MACF1: variants seen among roughly 807,000 people sequenced by gnomAD.
The protein encoded by MACF1 is microtubule-actin cross-linking factor 1.
Under a neutral mutation model 854.8 loss-of-function variants are expected in MACF1, and 193 were observed. That is an observed-to-expected ratio of 0.23 (90% confidence interval 0.20 to 0.25). MACF1 has a LOEUF of 0.25. Among genes scored for constraint, MACF1 ranks in the 10% least tolerant of loss-of-function variants. The pLI is 1.00. For synonymous variants in MACF1, 3,185 were observed against 3,226.7 expected, an observed-to-expected ratio of 0.99 and a Z score of 0.44; for missense variants, 7,722 against 8,929.1, an observed-to-expected ratio of 0.86 and a Z score of 5.45.
chr1:39,338,142 AT>A (rs1646857409), intron 38 of MACF1, among the ~76,000 whole-genome samples: 2 of 152,144 alleles, frequency 1.3e-5, no homozygotes, highest in Non-Finnish European at 2.9e-5. Flanking sequence ...TTAGGAAACT[AT>A]TGCAGTAATT....
At chr1:39,130,528 G>A (rs780224562) in intron 2 of MACF1, among the ~76,000 whole-genome samples, 1 of 152,190 alleles carries the variant, frequency 6.6e-6, no homozygotes, top group Non-Finnish European at 1.5e-5. Context: ...GTAGGGAAAA[G>A]TTAGTACACT....
In MACF1 at chr1:39,284,109, C is replaced by T. The variant is rs532053858; in HGVS notation, c.959C>T (p.Ser320Phe). Reference protein sequence around the residue: ...RWQEYQSRVDSLIPWIKQHTI... With the variant: ...RWQEYQSRVDFLIPWIKQHTI... ...CAAGAATACCAAAGCCGAGTGGACT[C>T]CCTCATTCCCTGGATCAAACAGCAT... Residue 320 changes from serine (S) to phenylalanine (F), a missense_variant, in exon 10 of 101, where the codon TCC becomes TTC. By Grantham distance (155) the Ser-to-Phe change is radical (BLOSUM62 -2). Coordinates refer to ENST00000564288, the MANE Select transcript of MACF1 (RefSeq NM_001394062.1). 10 of 1,614,002 alleles carry T rather than the reference C, an allele frequency of 6.2e-6. No homozygotes were observed. In the East Asian group the frequency reaches 6.7e-5, roughly 11 times the overall value.
At chr1:39,101,013 G>A (rs374882658) in intron 2 of MACF1, among the ~76,000 whole-genome samples, 1 of 151,568 alleles carries the variant, frequency 6.6e-6, no homozygotes, top group Non-Finnish European at 1.5e-5. Context: ...CTCCTGCCTC[G>A]GCCTCCCAAA....
rs771937045 is a variant in MACF1 at position 39,204,975 on chromosome 1, C to A, written c.-48C>A. 1.4e-6 allele frequency: 1 copy of A among 701,690 alleles called. No homozygotes were observed. The highest frequency in any genetic ancestry group is 1.5e-5 in the South Asian group (1 of 67,432). The allele number at this position is 701,690 out of a possible 1,614,324, so 43.5% of individuals were successfully genotyped here. A position where few individuals can be genotyped will look rare whatever the true frequency, so the allele number is the denominator to read the frequency against. On this transcript the variant is annotated 5_prime_UTR_variant, in exon 1 of 101. Coordinates refer to ENST00000564288, the MANE Select transcript of MACF1 (RefSeq NM_001394062.1). Reference sequence around the variant, plus strand: ...CAGGAGAAAGGCATCCAGAGGCCTGCGCTGAGCTTGTGGCTAACTCAAGGG... The same window carrying A: ...CAGGAGAAAGGCATCCAGAGGCCTGAGCTGAGCTTGTGGCTAACTCAAGGG...
intron 58 of MACF1, among the ~76,000 whole-genome samples, chr1:39,417,228 A>G (rs991662434): frequency 3.3e-5 from 5 of 151,932 alleles, no homozygotes; most frequent in Admixed American, 2.6e-4. Flanking sequence ...AATGCCAAAA[A>G]CTCGTTTGCT....
intron 2 of MACF1, among the ~76,000 whole-genome samples, chr1:39,196,843 C>T (rs1644326184): frequency 6.6e-6 from 1 of 152,086 alleles, no homozygotes; most frequent in South Asian, 2.1e-4. Context: ...GGGGTGTTGC[C>T]TTGTGTTGAG....
Position 39,477,077 on chromosome 1 carries a change from A to ACACT in MACF1, c.21959-2721_21959-2720insCACT, listed in dbSNP as rs1183082119. ...TATATATATATATATATATATATAT[A>ACACT]TATATATATATATACACACACACAC... is the stretch of plus-strand genomic sequence containing the variant. On this transcript the variant is annotated intron_variant, in intron 97 of 100. Transcript: ENST00000564288. 2.1e-3 allele frequency among the ~76,000 whole-genome samples: 41 copies of ACACT among 19,240 alleles called. 4 individuals carry two copies. Among genetic ancestry groups the ACACT allele is most frequent in the African/African-American group, 2.9e-3 (16 of 5,458 alleles). The allele number at this position is 19,240 out of a possible 152,430, so 12.6% of individuals were successfully genotyped here.
At chr1:39,201,955 CTTTTTTTTTTTTTTTTTT>C (rs748333630), upstream of MACF1, among the ~76,000 whole-genome samples, 3 of 52,312 alleles carry the variant, frequency 5.7e-5, no homozygotes, top group African/African-American at 2.6e-4. Flanking sequence ...TGCTCATATT[CTTTTTTTTTTTTTTTTTT>C]TTTTTTTTTT....
At chr1:39,249,917 CTTTAA>C (rs923128264) in intron 2 of MACF1, 92 bp from the exon 3 acceptor site, 7 of 625,192 alleles carry the variant, frequency 1.1e-5, no homozygotes, top group Non-Finnish European at 2.0e-5. Flanking sequence ...CTTTTAAATT[CTTTAA>C]TTTGTGTTTA....
At chr1:39,319,562 T>G in intron 30 of MACF1, 102 bp from the exon 31 acceptor site, 1 of 741,266 alleles carries the variant, frequency 1.3e-6, no homozygotes, top group Non-Finnish European at 2.2e-6. Flanking sequence ...GCAATTCTGA[T>G]GCAGCTAAGG....
Position 39,430,688 on chromosome 1 carries a change from T to A in MACF1, c.17131-14T>A. 1.2e-6 allele frequency: 2 copies of A among 1,608,324 alleles called. No individual in the cohort carries two copies. Among genetic ancestry groups the A allele is most frequent in the Non-Finnish European group, 1.7e-6 (2 of 1,176,906 alleles). On this transcript the variant is annotated splice_polypyrimidine_tract_variant and intron_variant, in intron 65 of 100. Coordinates refer to ENST00000564288, the MANE Select transcript of MACF1 (RefSeq NM_001394062.1). ...TTAGCAAGGTATGGCCTGAAAACTC[T>A]TTTCCCTCCTTAGGAATTAAAGAAG...
chr1:39,141,849 C>T (rs1468283542), intron 2 of MACF1, among the ~76,000 whole-genome samples: 1 of 152,038 alleles, frequency 6.6e-6, no homozygotes, highest in East Asian at 1.9e-4. Flanking sequence ...GTACATGAAA[C>T]TAGAAGATAA....
chr1:39,190,395 G>GGTT (rs1553160910), intron 2 of MACF1, among the ~76,000 whole-genome samples: 1 of 79,040 alleles, frequency 1.3e-5, no homozygotes, highest in African/African-American at 4.7e-5. Context: ...GTGTGTGTTT[G>GGTT]TTTTTGTTTT....
chr1:39,363,001 A>T (rs1648342011), intron 49 of MACF1, among the ~76,000 whole-genome samples: 1 of 152,200 alleles, frequency 6.6e-6, no homozygotes, highest in African/African-American at 2.4e-5. Flanking sequence ...TAAATATAAG[A>T]TAGTTTTAGA....
At chr1:39,164,534 C>T (rs1194868755) in intron 2 of MACF1, among the ~76,000 whole-genome samples, 1 of 152,234 alleles carries the variant, frequency 6.6e-6, no homozygotes, top group African/African-American at 2.4e-5. Context: ...TATCACTGCA[C>T]TGCTTTACTC....
intron 1 of MACF1, among the ~76,000 whole-genome samples, chr1:39,212,851 C>G (rs1335718012): frequency 6.6e-6 from 1 of 152,234 alleles, no homozygotes; most frequent in Non-Finnish European, 1.5e-5. Flanking sequence ...TCTCTAACTC[C>G]TTACCTCAAG....
chr1:39,460,726 G>A lies in MACF1; in HGVS notation c.21455G>A (p.Arg7152Gln). ...HKKSRVMDFF[R>Q]RIDKDQDGKI... ...AAGTCTCGAGTGATGGATTTCTTCC[G>A]GCGCATTGATAAGGACCAGGATGGG... The change falls in exon 92 of 101, where the codon CGG becomes CAG. Residue 7152 changes from arginine to glutamine, a missense_variant. By Grantham distance (43) the Arg-to-Gln change is conservative (BLOSUM62 1). Around this residue, in one of 15 missense-constraint regions of MACF1, gnomAD observed 153 missense variants for 342.5 expected, o/e 0.45. Transcript: ENST00000564288. This position sits in a 1 kb window ranked among gnomAD's most constrained non-coding sequence, Gnocchi z 4.1. 2 of 1,614,176 alleles carry A rather than the reference G, an allele frequency of 1.2e-6. No individual in the cohort carries two copies. The highest frequency in any genetic ancestry group is 1.7e-6 in the Non-Finnish European group (2 of 1,180,024).
At position 39,283,202 on chromosome 1, in the gene MACF1, G is replaced by A. The variant is rs1645586383; in HGVS notation, c.709G>A (p.Asp237Asn). 1 of 1,611,788 alleles carries A rather than the reference G, an allele frequency of 6.2e-7. No individual in the cohort carries two copies. The highest frequency in any genetic ancestry group is 1.7e-5 in the Admixed American group (1 of 60,014). ...GGACTTTTACAGACCCGATCTAGTA[G>A]ACATGGAGAGGGTGCAAATCCAAAG... ...LIHRYRPDLV[D>N]MERVQIQSNR... is the part of the protein sequence containing the mutation. Residue 237 changes from aspartate to asparagine, a missense_variant, in exon 8 of 101, where the codon GAC becomes AAC. By Grantham distance (23) the Asp-to-Asn change is conservative (BLOSUM62 1). Coordinates refer to ENST00000564288, the MANE Select transcript of MACF1 (RefSeq NM_001394062.1). This position sits in a 1 kb window ranked among gnomAD's most constrained non-coding sequence, Gnocchi z 4.5.
rs1290862658 is a variant in MACF1, at chr1:39,385,855, A to G, written c.14270A>G (p.Gln4757Arg). The change falls in exon 57 of 101, where the codon CAG becomes CGG. Residue 4757 changes from glutamine to arginine, a missense_variant. By Grantham distance (43) the Gln-to-Arg change is conservative. This residue lies in a region of MACF1 where 2,807 missense variants were observed against 3,235.8 expected (regional missense o/e 0.87). Transcript: ENST00000564288. ...CDELSVLIGE[Q>R]YLKDELKKRL... is the part of the protein sequence containing the mutation. ...GAACTCTCAGTGCTCATTGGTGAGC[A>G]GTACCTCAAGGATGAACTGAAGAAG... The G allele has an allele frequency of 6.2e-7, 1 of 1,614,094 alleles. No individual in the cohort carries two copies. The highest frequency in any genetic ancestry group is 2.2e-5 in the East Asian group (1 of 44,896).
Sources: gnomAD v4.1 joint callset for allele counts (sites outside exome capture counted in the v4.1 genomes callset) on GRCh38, gnomAD v4.1.1 for gene constraint, gnomAD v4.1.1 regional missense constraint, Gnocchi (gnomAD v3.1) non-coding constraint, MANE v1.5 for transcripts, NCBI Gene and HGNC (gene_info 2026-07-23, HGNC 2026-07-21) for gene names.